BACE2: variants seen among roughly 807,000 people sequenced by gnomAD.
BACE2 encodes beta-secretase 2.
BACE2 carries 17 observed loss-of-function variants against 46.2 expected under a neutral mutation model. That is an observed-to-expected ratio of 0.37 (90% CI 0.25 to 0.55). The LOEUF is 0.55. BACE2 is among the 20% of genes least tolerant of loss of function. The pLI, the probability that BACE2 is intolerant of heterozygous loss-of-function variation, is 0.82. For missense variants in BACE2, 595 were observed against 698.1 expected, an observed-to-expected ratio of 0.85 and a Z score of 1.66; for synonymous variants, 277 against 295.9, an observed-to-expected ratio of 0.94 and a Z score of 0.66.
intron 1 of BACE2, among the ~76,000 whole-genome samples, chr21:41,174,349 T>G (rs866885344): frequency 1.3e-5 from 2 of 151,764 alleles, no homozygotes; most frequent in African/African-American, 4.8e-5. Context: ...CACCATGTTG[T>G]CCAGGATGGT....
Position 41,262,458 on chromosome 21 carries a change from GA to G in BACE2, c.1303+5133del, listed in dbSNP as rs1987964408. Among the ~76,000 whole-genome samples the G allele has an allele frequency of 2.0e-5, 3 of 151,930 alleles. No individual in the cohort carries two copies. In the South Asian group the frequency reaches 6.2e-4, roughly 32 times the overall value. ...TTTATTTATTTTTTTTTAGTTATAGGACAATATCTGGCAGGGACTTGACCCT... is the reference window on the plus strand; with the variant it reads ...TTTATTTATTTTTTTTTAGTTATAGGCAATATCTGGCAGGGACTTGACCCT... On this transcript the variant is annotated intron_variant, in intron 8 of 8. Transcript: ENST00000330333.
In BACE2 at chr21:41,280,320, T is replaced by C. The variant is rs2088533327; in HGVS notation, c.*4696T>C. 6.6e-6 allele frequency: 1 copy of C among 152,402 alleles called. No homozygotes were observed. Among genetic ancestry groups the C allele is most frequent in the East Asian group, 1.9e-4 (1 of 5,180 alleles). The allele number at this position is 152,402 out of a possible 1,614,324, so 9.4% of individuals were successfully genotyped here. On this transcript the variant is annotated 3_prime_UTR_variant, in exon 9 of 9. Transcript: ENST00000330333. The stretch of plus-strand genomic sequence containing the variant: ...GGGCACGGCAGCTGGGCCCTCACCG[T>C]TTCCGCCAGCTCTGCTGAGCCAGCC...
At chr21:41,179,714 C>T in intron 1 of BACE2, 1 of 1,232,206 alleles carries the variant, frequency 8.1e-7, no homozygotes, top group Non-Finnish European at 1.1e-6. Flanking sequence ...TCCCTGCTTA[C>T]AGGCAATTAA....
intron 1 of BACE2, among the ~76,000 whole-genome samples, chr21:41,221,827 C>CAAAA (rs58502168): frequency 0.014 from 1,336 of 98,538 alleles, 32 homozygotes; most frequent in African/African-American, 0.039. Flanking sequence ...GACTCTGTCT[C>CAAAA]AAAAAAAAAA....
In BACE2 at chr21:41,241,754, A is replaced by C. The variant is rs1601299141; in HGVS notation, c.619-65A>C. The C allele has an allele frequency of 3.1e-6, 5 of 1,594,522 alleles. No homozygotes were observed. The East Asian group carries it at 1.1e-4, about 36-fold the overall frequency. ...AATGTCTGTGGCGCGTGGCGTCTAC[A>C]CTGGGTGACCCATGTCTACACTGTG... On this transcript the variant is annotated intron_variant, in intron 3 of 8. Transcript: ENST00000330333.
At chr21:41,228,461 C>T (rs1986882509) in intron 2 of BACE2, among the ~76,000 whole-genome samples, 1 of 152,188 alleles carries the variant, frequency 6.6e-6, no homozygotes, top group Non-Finnish European at 1.5e-5. Flanking sequence ...CATGGTTCTG[C>T]AGGCTGTACA....
intron 2 of BACE2, among the ~76,000 whole-genome samples, chr21:41,232,380 C>T (rs1408808458): frequency 6.6e-6 from 1 of 152,152 alleles, no homozygotes; most frequent in Non-Finnish European, 1.5e-5. Context: ...AATGAGACAG[C>T]TTTAGATTCA....
intron 2 of BACE2, among the ~76,000 whole-genome samples, chr21:41,235,041 G>A (rs1161221597): frequency 6.6e-6 from 1 of 152,134 alleles, no homozygotes; most frequent in Non-Finnish European, 1.5e-5. Context: ...GTTAGAATCA[G>A]CTGTTTCCCC....
At chr21:41,211,227 A>T (rs34019132) in intron 1 of BACE2, among the ~76,000 whole-genome samples, 26,188 of 148,976 alleles carry the variant, frequency 0.18, 2,469 homozygotes, top group African/African-American at 0.24. Context: ...GGTTTTCCCA[A>T]GAGGAGCCCA....
Position 41,241,906 on chromosome 21 carries a change from G to A in BACE2, c.706G>A (p.Gly236Ser), listed in dbSNP as rs759098411. 1.2e-5 allele frequency: 20 copies of A among 1,613,986 alleles called. No homozygotes were observed. The highest frequency in any genetic ancestry group is 8.0e-5 in the African/African-American group (6 of 74,874). The change falls in exon 4 of 9, where the codon GGC (glycine) becomes AGC (serine). Residue 236 changes from glycine (G) to serine (S), a missense_variant. Physicochemically the swap from Gly to Ser is moderately conservative, Grantham distance 56. Around this residue, in one of 3 missense-constraint regions of BACE2, gnomAD observed 343 missense variants for 419.4 expected, o/e 0.82. Coordinates refer to ENST00000330333, the MANE Select transcript of BACE2 (RefSeq NM_012105.5). ...NVFSMQMCGA[G>S]LPVAGSGTNG... ...TTTCTCCATGCAGATGTGTGGAGCC[G>A]GCTTGCCCGTTGCTGGATCTGGGAC...
In BACE2 at chr21:41,235,854, A is replaced by AAATGAATGAATGAATG. The variant is rs150387265; in HGVS notation, c.402-1648_402-1633dup. Reference sequence around the variant, plus strand: ...AGACCTTTTCTTTAAAAGAAATAATAAATGAATGAATGAATGAATGAATGA... The same window carrying AAATGAATGAATGAATG: ...AGACCTTTTCTTTAAAAGAAATAATAAATGAATGAATGAATGAATGAATGAATGAATGAATGAATGA... On this transcript the variant is annotated intron_variant, in intron 2 of 8. Coordinates refer to ENST00000330333, the MANE Select transcript of BACE2 (RefSeq NM_012105.5). Among the ~76,000 whole-genome samples the AAATGAATGAATGAATG allele has an allele frequency of 8.0e-3, 1,215 of 151,656 alleles. 21 individuals are homozygous for AAATGAATGAATGAATG. The highest frequency in any genetic ancestry group is 0.027 in the African/African-American group (1,112 of 41,146).
At chr21:41,222,994 A>G (rs1986702917) in intron 1 of BACE2, among the ~76,000 whole-genome samples, 1 of 152,174 alleles carries the variant, frequency 6.6e-6, no homozygotes, top group Non-Finnish European at 1.5e-5. Flanking sequence ...CAGGCGTGAG[A>G]TGATGTCCCA....
In BACE2 at chr21:41,275,829, A is replaced by T; in HGVS notation, c.*205A>T. 1.5e-6 allele frequency: 1 copy of T among 678,040 alleles called. No individual in the cohort carries two copies. The highest frequency in any genetic ancestry group is 2.8e-5 in the East Asian group (1 of 35,438). The allele number at this position is 678,040 out of a possible 1,614,324, so 42.0% of individuals were successfully genotyped here. On this transcript the variant is annotated 3_prime_UTR_variant, in exon 9 of 9. Coordinates refer to ENST00000330333, the MANE Select transcript of BACE2 (RefSeq NM_012105.5). ...AATCCTCCCTACTTCCAAGAAAAAT[A>T]ATTAAAAAAAAAACTTCATTCTAAA...
intron 8 of BACE2, among the ~76,000 whole-genome samples, chr21:41,260,966 A>G (rs913231059): frequency 4.6e-5 from 7 of 152,190 alleles, no homozygotes; most frequent in Non-Finnish European, 8.8e-5. Flanking sequence ...ATTGTTTGAC[A>G]TTACATTTTA....
intron 6 of BACE2, 73 bp from the exon 7 acceptor site, chr21:41,250,679 G>A: frequency 6.8e-7 from 1 of 1,476,018 alleles, no homozygotes; most frequent in Non-Finnish European, 9.4e-7. Context: ...GAGGTGGCTA[G>A]GAAAGCCTGG....
chr21:41,170,874 T>C (rs1333284533), intron 1 of BACE2, among the ~76,000 whole-genome samples: 1 of 152,196 alleles, frequency 6.6e-6, no homozygotes, highest in Non-Finnish European at 1.5e-5. Context: ...GTGCTTTAGG[T>C]GTGCTTTCCC....
At chr21:41,194,724 A>G (rs946474094) in intron 1 of BACE2, among the ~76,000 whole-genome samples, 2 of 152,166 alleles carry the variant, frequency 1.3e-5, no homozygotes, top group African/African-American at 4.8e-5. Flanking sequence ...GAGCCATCCT[A>G]AATCTATAAT....
rs541836739 is a variant in BACE2 at position 41,212,805 on chromosome 21, G to A, written c.313-13461G>A. ...TGAAGTGAGTGCCCAAGGAATATGG[G>A]TAGGCCACCAGCAATCTCTGCTGTC... On this transcript the variant is annotated intron_variant, in intron 1 of 8. Coordinates refer to ENST00000330333, the MANE Select transcript of BACE2 (RefSeq NM_012105.5). 2.6e-5 allele frequency among the ~76,000 whole-genome samples: 4 copies of A among 152,276 alleles called. No individual in the cohort carries two copies. The East Asian group carries it at 7.7e-4, about 29-fold the overall frequency.
intron 1 of BACE2, among the ~76,000 whole-genome samples, chr21:41,171,139 C>A (rs148278065): frequency 1.3e-5 from 2 of 152,220 alleles, no homozygotes; most frequent in African/African-American, 2.4e-5. Context: ...GCCAGAGAAC[C>A]CTGAACGTAC....
Sources: gnomAD v4.1 joint callset for allele counts (sites outside exome capture counted in the v4.1 genomes callset) on GRCh38, gnomAD v4.1.1 for gene constraint, gnomAD v4.1.1 regional missense constraint, MANE v1.5 for transcripts, NCBI Gene and HGNC (gene_info 2026-07-23, HGNC 2026-07-21) for gene names.